The following SUCLG2 variants were observed in gnomAD, a reference collection of about 807,000 sequenced individuals.
The protein encoded by SUCLG2 is succinate--CoA ligase [GDP-forming] subunit beta, mitochondrial.
A neutral mutation model predicts 47.9 loss-of-function variants in SUCLG2; 42 were observed. That is an observed-to-expected ratio of 0.88 (90% CI 0.69 to 1.14). The LOEUF is 1.14. SUCLG2 is among the 50% of genes most tolerant of loss of function. The pLI is 0.00. For synonymous variants in SUCLG2, 195 were observed against 197.3 expected, an observed-to-expected ratio of 0.99 and a Z score of 0.10; for missense variants, 571 against 525.9, an observed-to-expected ratio of 1.09 and a Z score of -0.84.
intron 1 of SUCLG2, among the ~76,000 whole-genome samples, chr3:67,627,979 T>C (rs556662133): frequency 1.3e-5 from 2 of 152,304 alleles, no homozygotes; most frequent in South Asian, 2.1e-4. Context: ...ATCTCTGTTT[T>C]AGTTAGTGGT....
chr3:67,520,551 C>T lies in SUCLG2; in HGVS notation c.501G>A (p.Leu167=), dbSNP rs532176150. 4.3e-6 allele frequency: 7 copies of T among 1,614,082 alleles called. No individual in the cohort carries two copies. The African/African-American group carries it at 6.7e-5, about 15-fold the overall frequency. The change falls in exon 5 of 11, where the codon CTG becomes CTA. Residue 167 remains leucine, a synonymous_variant. Coordinates refer to ENST00000307227, the MANE Select transcript of SUCLG2 (RefSeq NM_003848.4). ...CGACGCCCCCCTGGGGGCTGCCCAC[C>T]AGCACGGGGCCATTGCAGGACCGGT... is the stretch of plus-strand genomic sequence containing the variant. ...LMDRSCNGPV[L]VGSPQGGVDI...
chr3:67,396,564 T>C (rs377755347), intron 10 of SUCLG2, among the ~76,000 whole-genome samples: 11 of 152,244 alleles, frequency 7.2e-5, no homozygotes, highest in African/African-American at 1.9e-4. Context: ...CAGGACCAGA[T>C]GGATTCACAG....
intron 9 of SUCLG2, among the ~76,000 whole-genome samples, chr3:67,419,275 T>C (rs9836798): frequency 0.086 from 13,016 of 152,182 alleles, 665 homozygotes; most frequent in African/African-American, 0.13. Flanking sequence ...CACACCCCAC[T>C]TAGAACACCA....
At chr3:67,642,232 TGAG>T (rs1199823862) in intron 1 of SUCLG2, among the ~76,000 whole-genome samples, 1 of 152,182 alleles carries the variant, frequency 6.6e-6, no homozygotes, top group African/African-American at 2.4e-5. Flanking sequence ...AGTGGCATCC[TGAG>T]GAGATGTGCA....
In SUCLG2 at chr3:67,520,563, A is replaced by G; in HGVS notation, c.489T>C (p.Asn163=). ...YLAILMDRSC[N]GPVLVGSPQG... is the part of the protein sequence containing the mutation. Reference sequence around the variant, plus strand: ...GGGGGCTGCCCACCAGCACGGGGCCATTGCAGGACCGGTCCATCAGAATTG... The same window carrying G: ...GGGGGCTGCCCACCAGCACGGGGCCGTTGCAGGACCGGTCCATCAGAATTG... The change falls in exon 5 of 11, where the codon AAT becomes AAC. Residue 163 remains asparagine, a synonymous_variant. Coordinates refer to ENST00000307227, the MANE Select transcript of SUCLG2 (RefSeq NM_003848.4). The G allele has an allele frequency of 6.2e-7, 1 of 1,614,208 alleles. No homozygotes were observed. The highest frequency in any genetic ancestry group is 8.5e-7 in the Non-Finnish European group (1 of 1,180,008).
chr3:67,415,553 C>T (rs1488503660), intron 9 of SUCLG2, among the ~76,000 whole-genome samples: 1 of 152,168 alleles, frequency 6.6e-6, no homozygotes, highest in Non-Finnish European at 1.5e-5. Context: ...AATCCTAAAC[C>T]CTCATGTGAC....
intron 9 of SUCLG2, among the ~76,000 whole-genome samples, chr3:67,490,548 C>T (rs1189306963): frequency 6.6e-6 from 1 of 152,180 alleles, no homozygotes; most frequent in Non-Finnish European, 1.5e-5. Context: ...GTCACTTACA[C>T]CTTCCATCAA....
intron 9 of SUCLG2, among the ~76,000 whole-genome samples, chr3:67,405,837 T>C (rs1040828055): frequency 6.6e-6 from 1 of 152,202 alleles, no homozygotes; most frequent in Non-Finnish European, 1.5e-5. Context: ...CTAAAGCATT[T>C]AGCAGGTTGT....
intron 9 of SUCLG2, among the ~76,000 whole-genome samples, chr3:67,451,471 A>C (rs1381308469): frequency 6.6e-6 from 1 of 152,192 alleles, no homozygotes; most frequent in Non-Finnish European, 1.5e-5. Context: ...AATCAACCAG[A>C]TGTTAAATAA....
At chr3:67,434,005 GCCA>G (rs2106893074) in intron 9 of SUCLG2, among the ~76,000 whole-genome samples, 1 of 152,220 alleles carries the variant, frequency 6.6e-6, no homozygotes, top group Non-Finnish European at 1.5e-5. Flanking sequence ...AATCCAAGAG[GCCA>G]CCACACATAC....
intron 10 of SUCLG2, among the ~76,000 whole-genome samples, chr3:67,362,999 C>A (rs1420599949): frequency 6.6e-6 from 1 of 152,196 alleles, no homozygotes. Context: ...CCTTTCCCTG[C>A]ACTAATCTAT....
chr3:67,398,873 G>T (rs183535979), intron 10 of SUCLG2, among the ~76,000 whole-genome samples: 1 of 152,008 alleles, frequency 6.6e-6, no homozygotes. Flanking sequence ...CCTTTGTAGG[G>T]ACATGGATGA....
At chr3:67,428,483 A>G (rs1321751679) in intron 9 of SUCLG2, among the ~76,000 whole-genome samples, 3 of 152,324 alleles carry the variant, frequency 2.0e-5, no homozygotes, top group Non-Finnish European at 4.4e-5. Flanking sequence ...AAAACCACAA[A>G]GATGGTGAGA....
In SUCLG2 at chr3:67,627,126, TAC is replaced by T. The variant is rs568366137; in HGVS notation, c.85-17532_85-17531del. ...ATTTCATGGTCAAATATCTGGGAAATACAGTTTTATTTTCTTCACTTAGAGGT... is the reference window on the plus strand; with the variant it reads ...ATTTCATGGTCAAATATCTGGGAAATAGTTTTATTTTCTTCACTTAGAGGT... On this transcript the variant is annotated intron_variant, in intron 1 of 10. Coordinates refer to ENST00000307227, the MANE Select transcript of SUCLG2 (RefSeq NM_003848.4). Among the ~76,000 whole-genome samples the T allele has an allele frequency of 1.4e-4, 21 of 151,984 alleles. No individual in the cohort carries two copies. The South Asian group carries it at 3.3e-3, about 24-fold the overall frequency.
chr3:67,508,762 A>C, intron 7 of SUCLG2, 45 bp downstream of exon 7: 1 of 1,419,578 alleles, frequency 7.0e-7, no homozygotes, highest in Non-Finnish European at 9.7e-7. Context: ...TGCATAAATA[A>C]TTATAATACA....
intron 9 of SUCLG2, among the ~76,000 whole-genome samples, chr3:67,413,246 C>T (rs190420074): frequency 1.7e-3 from 252 of 152,280 alleles, no homozygotes; most frequent in Non-Finnish European, 1.4e-3. Flanking sequence ...TGAAAACGAG[C>T]TTCTCAGCAC....
chr3:67,609,314 T>C, intron 2 of SUCLG2, 141 bp downstream of exon 2: 2 of 905,840 alleles, frequency 2.2e-6, no homozygotes, highest in Non-Finnish European at 3.3e-6. Context: ...TGGACTTTTT[T>C]GCTTTTGCAG....
At chr3:67,438,880 C>T (rs536958059) in intron 9 of SUCLG2, among the ~76,000 whole-genome samples, 1 of 152,224 alleles carries the variant, frequency 6.6e-6, no homozygotes, top group African/African-American at 2.4e-5. Context: ...CTCCCTAACT[C>T]GTTTTATAAG....
intron 2 of SUCLG2, among the ~76,000 whole-genome samples, chr3:67,562,921 A>G (rs960944453): frequency 3.9e-5 from 6 of 152,008 alleles, no homozygotes; most frequent in South Asian, 2.1e-4. Flanking sequence ...AAAATTATCT[A>G]TATCTTTTAA....
Sources: allele counts gnomAD v4.1 joint callset (sites outside exome capture counted in the v4.1 genomes callset), GRCh38; gene constraint gnomAD v4.1.1; transcripts MANE v1.5; gene names NCBI Gene and HGNC (gene_info 2026-07-23, HGNC 2026-07-21).